Variants in DCAF6 observed in about 807,000 individuals in gnomAD.
DCAF6 encodes the protein DDB1- and CUL4-associated factor 6.
A neutral mutation model predicts 125.1 loss-of-function variants in DCAF6; 54 were observed. The observed-to-expected ratio is 0.43, with a 90% CI of 0.35 to 0.54. The LOEUF (loss-of-function observed/expected upper bound fraction) is 0.54, where lower values mean the gene tolerates loss of function less well. Ranked by LOEUF, DCAF6 falls within the 20% of genes least tolerant of loss-of-function variation. DCAF6 has a pLI of 0.01. For synonymous variants in DCAF6, 371 were observed against 390.4 expected (o/e 0.95, Z 0.58); for missense variants, 934 against 1,161.7 (o/e 0.80, Z 2.85).
Position 167,945,955 on chromosome 1 carries a change from G to GTTTT in DCAF6, c.98-5829_98-5826dup, listed in dbSNP as rs1238443018. Among the ~76,000 whole-genome samples, 106 of 123,924 alleles carry GTTTT rather than the reference G, an allele frequency of 8.6e-4. 2 individuals carry two copies. The highest frequency in any genetic ancestry group is 1.2e-3 in the Non-Finnish European group (72 of 59,472). The allele number at this position is 123,924 out of a possible 152,430, so 81.3% of individuals were successfully genotyped here. A position where few individuals can be genotyped will look rare whatever the true frequency, so the allele number is the denominator to read the frequency against. On this transcript the variant is annotated intron_variant, in intron 1 of 21. Coordinates refer to ENST00000367840, the MANE Select transcript of DCAF6 (RefSeq NM_001198956.2). The stretch of plus-strand genomic sequence containing the variant: ...CTGAATTCATTTACCAAATCTAAGG[G>GTTTT]TTTTTTTTTTTTTTTTTTTGAGACA...
chr1:168,004,122 G>A (rs1683015451), intron 9 of DCAF6, 133 bp downstream of exon 9: 2 of 1,120,614 alleles, frequency 1.8e-6, no homozygotes, highest in African/African-American at 1.6e-5. Flanking sequence ...ATTGTGTGGT[G>A]TGAAGTAGTA....
At chr1:168,015,433 C>A (rs566823193) in intron 10 of DCAF6, among the ~76,000 whole-genome samples, 1 of 152,208 alleles carries the variant, frequency 6.6e-6, no homozygotes, top group East Asian at 1.9e-4. Flanking sequence ...GATGAGTTAA[C>A]TGATTGTTTT....
the DCAF6 span, chr1:167,880,338 C>T: frequency 2.1e-6 from 2 of 962,860 alleles, no homozygotes; most frequent in South Asian, 1.3e-5. Context: ...GGCATTTCTA[C>T]ATGGCCCGGA....
chr1:167,866,634 C>A, the DCAF6 span, among the ~76,000 whole-genome samples: 2 of 149,246 alleles, frequency 1.3e-5, no homozygotes. Context: ...CCCAAACTTA[C>A]AAGGTTTTCA....
intron 5 of DCAF6, among the ~76,000 whole-genome samples, chr1:167,988,149 A>G (rs978762921): frequency 1.4e-5 from 2 of 142,804 alleles, no homozygotes; most frequent in Non-Finnish European, 3.0e-5. Flanking sequence ...ATGCTTTAAT[A>G]CAATTAAATT....
chr1:167,968,713 G>T (rs1676840667), intron 3 of DCAF6, among the ~76,000 whole-genome samples: 1 of 152,188 alleles, frequency 6.6e-6, no homozygotes, highest in African/African-American at 2.4e-5. Context: ...ATGGTTGCAG[G>T]AGCTCCCATT....
upstream of DCAF6, chr1:167,935,973 C>T (rs906267243): frequency 5.7e-6 from 4 of 697,568 alleles, no homozygotes; most frequent in African/African-American, 7.1e-5. Context: ...AGTACCCTTC[C>T]CGCGGCTTTC....
At chr1:168,002,459 A>G in intron 7 of DCAF6, 23 bp from the exon 8 acceptor site, 1 of 1,606,430 alleles carries the variant, frequency 6.2e-7, no homozygotes, top group South Asian at 1.1e-5. Context: ...CTTACATAGA[A>G]TTTACCCGTT....
chr1:168,045,356 T>A, intron 16 of DCAF6, 129 bp downstream of exon 16: 1 of 791,730 alleles, frequency 1.3e-6, no homozygotes, highest in Non-Finnish European at 2.0e-6. Flanking sequence ...CATATAAACT[T>A]AAAGAAACTT....
chr1:168,015,725 T>C, intron 10 of DCAF6, 56 bp from the exon 11 acceptor site: 1 of 1,345,254 alleles, frequency 7.4e-7, no homozygotes, highest in East Asian at 2.7e-5. Flanking sequence ...AATCAAATTC[T>C]TATTATTTTC....
rs778785543 is a variant in DCAF6 at position 168,055,025 on chromosome 1, T to C, written c.2300+4092T>C. Among the ~76,000 whole-genome samples, 7 of 152,152 alleles carry C rather than the reference T, an allele frequency of 4.6e-5. No homozygotes were observed. The East Asian group carries it at 5.8e-4, about 13-fold the overall frequency. On this transcript the variant is annotated intron_variant, in intron 17 of 21. Coordinates refer to ENST00000367840, the MANE Select transcript of DCAF6 (RefSeq NM_001198956.2). The stretch of plus-strand genomic sequence containing the variant: ...TAGAGACGGGGTTTTTAACTTGATA[T>C]ACTGAAGAACAGTGGTATTCAGAAT...
chr1:168,073,519 T>G (rs1422172062), intron 21 of DCAF6, among the ~76,000 whole-genome samples: 1 of 151,686 alleles, frequency 6.6e-6, no homozygotes, highest in Non-Finnish European at 1.5e-5. Flanking sequence ...CTCATTTGTC[T>G]CTTTATTGTG....
At chr1:168,030,994 A>G (rs1687016590) in intron 12 of DCAF6, among the ~76,000 whole-genome samples, 1 of 151,980 alleles carries the variant, frequency 6.6e-6, no homozygotes, top group Non-Finnish European at 1.5e-5. Context: ...GTGATCATGA[A>G]CTCGGTTTTG....
the DCAF6 span, among the ~76,000 whole-genome samples, chr1:167,876,549 T>C: frequency 0.15 from 22,471 of 152,230 alleles, 1,953 homozygotes; most frequent in Middle Eastern, 0.24. Flanking sequence ...AGTTTGTGTA[T>C]GTTGGTCTTC....
At chr1:167,888,409 CA>C in the DCAF6 span, among the ~76,000 whole-genome samples, 7 of 151,908 alleles carry the variant, frequency 4.6e-5, no homozygotes, top group African/African-American at 1.4e-4. Flanking sequence ...GAATATCTTT[CA>C]TTTTTTTTTT....
intron 12 of DCAF6, among the ~76,000 whole-genome samples, chr1:168,037,817 A>G (rs1688033900): frequency 6.6e-6 from 1 of 152,232 alleles, no homozygotes; most frequent in Non-Finnish European, 1.5e-5. Context: ...TCAAAGCACT[A>G]TAAATACCAC....
chr1:167,905,021 G>A, the DCAF6 span: 31 of 1,614,036 alleles, frequency 1.9e-5, no homozygotes, highest in East Asian at 1.6e-4. Context: ...TCAGGACTCC[G>A]TCAAAATAAT....
intron 6 of DCAF6, among the ~76,000 whole-genome samples, chr1:167,992,695 A>G (rs1035913657): frequency 6.6e-6 from 1 of 152,210 alleles, no homozygotes; most frequent in Admixed American, 6.5e-5. Context: ...CCTATCTGTC[A>G]TATTGCATTG....
the DCAF6 span, among the ~76,000 whole-genome samples, chr1:167,905,691 G>A: frequency 6.6e-6 from 1 of 151,850 alleles, no homozygotes; most frequent in Admixed American, 6.6e-5. Context: ...AAGAGATTAA[G>A]ACTATAAAGG....
Sources: allele counts gnomAD v4.1 joint callset (sites outside exome capture counted in the v4.1 genomes callset), GRCh38; gene constraint gnomAD v4.1.1; transcripts MANE v1.5; gene names NCBI Gene and HGNC (gene_info 2026-07-23, HGNC 2026-07-21).